The following CRLF2 variants were observed in gnomAD, a reference collection of about 807,000 sequenced individuals.
CRLF2 encodes the protein cytokine receptor-like factor 2.
CRLF2 carries 41 observed loss-of-function variants against 38.7 expected under a neutral mutation model. The ratio of observed to expected loss-of-function variants is 1.06; its 90% CI spans 0.83 to 1.37. CRLF2 has a LOEUF of 1.37. Ranked by LOEUF, CRLF2 falls within the 40% of genes most tolerant of loss-of-function variation. The probability of loss-of-function intolerance (pLI) is 0.00; values close to 1 mark genes in which losing one functional copy is unlikely to be tolerated. For synonymous variants in CRLF2, 140 were observed against 128.8 expected (o/e 1.09, Z -0.59); for missense variants, 377 against 322.2 (o/e 1.17, Z -1.30).
At chrX:1,201,284 G>A (rs1340021462) in intron 4 of CRLF2, among the ~76,000 whole-genome samples, 2 of 151,366 alleles carry the variant, frequency 1.3e-5, no homozygotes, top group East Asian at 3.9e-4. Context: ...GTGCCTGTGT[G>A]TGTCTGTGTG....
intron 5 of CRLF2, among the ~76,000 whole-genome samples, chrX:1,197,591 G>A (rs565455721): frequency 2.3e-4 from 35 of 152,024 alleles, no homozygotes; most frequent in South Asian, 1.9e-3. Context: ...CGAGGCGGGC[G>A]GATCACAAGG....
chrX:1,192,941 G>A lies in CRLF2; in HGVS notation c.852+277C>T, dbSNP rs1334545987. Among the ~76,000 whole-genome samples the A allele has an allele frequency of 7.3e-5, 11 of 151,292 alleles. 1 individual carries two copies. The highest frequency in any genetic ancestry group is 2.7e-4 in the African/African-American group (11 of 41,264). ...CGATTCTCCTGCCTCAGCCTCCAGA[G>A]TCGCTGGGATTACAGGAGTGAGCCA... On this transcript the variant is annotated intron_variant, in intron 7 of 7. Transcript: ENST00000400841.
rs1332757821 is a variant in CRLF2 at position 1,198,939 on chromosome X, G to T, written c.484-215C>A. ...TGAGGCGGGTGGATCACCTGAGGTC[G>T]CAAGTTCGAGACCAGCCTGGCCAAC... On this transcript the variant is annotated intron_variant, in intron 4 of 7. Coordinates refer to ENST00000400841, the MANE Select transcript of CRLF2 (RefSeq NM_022148.4). 5.1e-5 allele frequency: 30 copies of T among 583,780 alleles called. No individual in the cohort carries two copies. The South Asian group carries it at 5.6e-4, about 11-fold the overall frequency. 36.2% of individuals were successfully genotyped at this position (583,780 alleles called of 1,614,324 possible).
chrX:1,192,216 AAAAAC>A (rs2086397001), intron 7 of CRLF2, among the ~76,000 whole-genome samples: 2 of 138,370 alleles, frequency 1.4e-5, no homozygotes, highest in African/African-American at 5.1e-5. Context: ...AAAAAAAAAA[AAAAAC>A]AAAAAAAACC....
chrX:1,203,873 C>G (rs1357089259), intron 3 of CRLF2, among the ~76,000 whole-genome samples: 1 of 152,102 alleles, frequency 6.6e-6, no homozygotes, highest in African/African-American at 2.4e-5. Flanking sequence ...GTTCATAGTT[C>G]TCACCGGATT....
At position 1,196,845 on chromosome X, in the gene CRLF2, T is replaced by C. The variant is rs1193032769; in HGVS notation, c.702A>G (p.Leu234=). 6.2e-7 allele frequency: 1 copy of C among 1,613,602 alleles called. No individual in the cohort carries two copies. Among genetic ancestry groups the C allele is most frequent in the Admixed American group, 1.7e-5 (1 of 59,970 alleles). Residue 234 remains leucine, a synonymous_variant, in exon 6 of 8, where the codon TTA becomes TTG. Transcript: ENST00000400841. ...PPKPKLSKFI[L]ISSLAILLMV... ...TCAGAAGGATGGCCAGGCTGGAAAT[T>C]AAAATAAATTTGGACAGCTTTGGTT...
intron 3 of CRLF2, among the ~76,000 whole-genome samples, chrX:1,206,099 T>G (rs1438997301): frequency 6.6e-6 from 1 of 152,102 alleles, no homozygotes; most frequent in Non-Finnish European, 1.5e-5. Context: ...CGTGCTGAGC[T>G]TGCTTTTCAA....
chrX:1,198,812 G>C, intron 4 of CRLF2, 88 bp from the exon 5 acceptor site: 1 of 1,299,462 alleles, frequency 7.7e-7, no homozygotes, highest in South Asian at 1.3e-5. Flanking sequence ...TGTCTGTCCA[G>C]AGTTTTCCTT....
intron 6 of CRLF2, among the ~76,000 whole-genome samples, chrX:1,195,679 G>A (rs1227639767): frequency 8.0e-5 from 12 of 149,722 alleles, no homozygotes; most frequent in African/African-American, 2.9e-4. Flanking sequence ...CTGGGTTCAA[G>A]CGGTTCTCCT....
At chrX:1,207,973 G>C (rs2086722649) in intron 2 of CRLF2, among the ~76,000 whole-genome samples, 1 of 152,074 alleles carries the variant, frequency 6.6e-6, no homozygotes, top group Non-Finnish European at 1.5e-5. Flanking sequence ...ACGCTTTGCC[G>C]TTTATCTCTT....
intron 1 of CRLF2, among the ~76,000 whole-genome samples, chrX:1,210,141 G>T (rs1254773663): frequency 7.0e-6 from 1 of 142,964 alleles, no homozygotes. Flanking sequence ...GAAAAGAAAA[G>T]AAAAGAAATG....
chrX:1,196,402 G>A (rs189359916), intron 6 of CRLF2, among the ~76,000 whole-genome samples: 12 of 151,938 alleles, frequency 7.9e-5, no homozygotes, highest in African/African-American at 2.7e-4. Context: ...TGGCCAGGAT[G>A]GTCTCGATCT....
At chrX:1,207,122 T>A (rs1192864551) in intron 2 of CRLF2, among the ~76,000 whole-genome samples, 1 of 150,620 alleles carries the variant, frequency 6.6e-6, no homozygotes, top group Non-Finnish European at 1.5e-5. Flanking sequence ...ATTTTTGTGT[T>A]TTTAATAGAG....
rs1311193434 is a variant in CRLF2, at chrX:1,206,460, T to C, written c.322A>G (p.Thr108Ala). 3.7e-6 allele frequency: 6 copies of C among 1,613,402 alleles called. No individual in the cohort carries two copies. The Admixed American group carries it at 1.0e-4, about 27-fold the overall frequency. Residue 108 changes from threonine to alanine, a missense_variant, in exon 3 of 8, where the codon ACC (threonine) becomes GCC (alanine). By Grantham distance (58) the Thr-to-Ala change is moderately conservative. Transcript: ENST00000400841. ...TAATAAACCATCCAGCGACTTGCGG[T>C]GAAAACGGGGTGCGTCCCATTCCTG... Reference protein sequence around the residue: ...SIRNGTHPVFTASRWMVYYLK... With the variant: ...SIRNGTHPVFAASRWMVYYLK...
At chrX:1,202,945 C>G (rs2086634197) in intron 3 of CRLF2, among the ~76,000 whole-genome samples, 1 of 151,748 alleles carries the variant, frequency 6.6e-6, no homozygotes, top group Non-Finnish European at 1.5e-5. Flanking sequence ...CCCGTCTCTA[C>G]TAAAAATACA....
At chrX:1,196,212 G>A (rs1603394273) in intron 6 of CRLF2, among the ~76,000 whole-genome samples, 1 of 134,214 alleles carries the variant, frequency 7.5e-6, no homozygotes, top group Non-Finnish European at 1.6e-5. Flanking sequence ...TTTTGAGACA[G>A]AGTCTCGCTC....
chrX:1,204,625 A>G (rs2086661686), intron 3 of CRLF2, among the ~76,000 whole-genome samples: 3 of 149,686 alleles, frequency 2.0e-5, no homozygotes, highest in Non-Finnish European at 4.4e-5. Context: ...GGTTCAAGCA[A>G]TTTCCCTGCC....
intron 5 of CRLF2, 64 bp from the exon 6 acceptor site, chrX:1,196,964 G>A (rs1163128702): frequency 2.0e-6 from 3 of 1,489,998 alleles, no homozygotes; most frequent in Admixed American, 1.8e-5. Context: ...CGTTTTCAAC[G>A]TGATGTTACA....
At position 1,204,096 on chromosome X, in the gene CRLF2, A is replaced by AAAAAAAAAAAGAG. The variant is rs370190016; in HGVS notation, c.350-1562_350-1561insCTCTTTTTTTTTT. On this transcript the variant is annotated intron_variant, in intron 3 of 7. Transcript: ENST00000400841. ...GAGCAAGACCCTCTCTCTCAAAAAA[A>AAAAAAAAAAAGAG]AGAGAGAACATCCAGTGAGTGGGAT... Among the ~76,000 whole-genome samples, 364 of 133,426 alleles carry AAAAAAAAAAAGAG rather than the reference A, an allele frequency of 2.7e-3. 14 individuals are homozygous for AAAAAAAAAAAGAG. The highest frequency in any genetic ancestry group is 8.2e-3 in the African/African-American group (296 of 36,186). The allele number at this position is 133,426 out of a possible 152,430, so 87.5% of individuals were successfully genotyped here.
Sources: gnomAD v4.1 joint callset for allele counts (sites outside exome capture counted in the v4.1 genomes callset) on GRCh38, gnomAD v4.1.1 for gene constraint, MANE v1.5 for transcripts, NCBI Gene and HGNC (gene_info 2026-07-23, HGNC 2026-07-21) for gene names.